The following ABCC1 variants were observed in gnomAD, a reference collection of about 807,000 sequenced individuals.
ABCC1 encodes the protein multidrug resistance-associated protein 1.
Under a neutral mutation model 172.9 loss-of-function variants are expected in ABCC1, and 83 were observed. The observed-to-expected ratio is 0.48, with a 90% CI of 0.40 to 0.58. The LOEUF is 0.58. Ranked by LOEUF, ABCC1 falls within the 20% of genes least tolerant of loss-of-function variation. The pLI is 0.00. For synonymous variants in ABCC1, 937 were observed against 825.2 expected (o/e 1.14, Z -2.32); for missense variants, 1,817 against 2,002.7 (o/e 0.91, Z 1.77).
intron 23 of ABCC1, among the ~76,000 whole-genome samples, chr16:16,119,390 G>C (rs1053373538): frequency 6.6e-6 from 1 of 152,172 alleles, no homozygotes; most frequent in African/African-American, 2.4e-5. Context: ...GCAGTGAGCT[G>C]ACATTGTGCC....
In ABCC1 at chr16:16,114,753, C is replaced by T. The variant is rs760483183; in HGVS notation, c.3080-13C>T. ...TCTCTGCATTGTGGAGTTTTAACTCCGAGTGTCTGCAGGGATCGCCGTGTT... is the reference window on the plus strand; with the variant it reads ...TCTCTGCATTGTGGAGTTTTAACTCTGAGTGTCTGCAGGGATCGCCGTGTT... On this transcript the variant is annotated splice_polypyrimidine_tract_variant and intron_variant, in intron 22 of 30. Transcript: ENST00000399410. The T allele has an allele frequency of 1.7e-5, 27 of 1,576,830 alleles. 1 individual carries two copies. Among genetic ancestry groups the T allele is most frequent in the Admixed American group, 1.2e-4 (7 of 58,756 alleles).
intron 22 of ABCC1, among the ~76,000 whole-genome samples, chr16:16,112,147 T>C (rs2052413682): frequency 6.6e-6 from 1 of 152,094 alleles, no homozygotes; most frequent in Admixed American, 6.6e-5. Context: ...AGGCCAGATA[T>C]TCGAGACCAG....
intron 24 of ABCC1, among the ~76,000 whole-genome samples, chr16:16,124,402 T>TGTGGGG (rs769214646): frequency 4.1e-5 from 6 of 147,712 alleles, no homozygotes; most frequent in Admixed American, 6.8e-5. Flanking sequence ...TGTGTGTGTG[T>TGTGGGG]GTGTGTGTAT....
intron 7 of ABCC1, among the ~76,000 whole-genome samples, chr16:16,039,229 GTGTGTA>G (rs1485420311): frequency 3.6e-4 from 49 of 136,836 alleles, no homozygotes; most frequent in African/African-American, 1.3e-3. Context: ...GTGTGTGTGT[GTGTGTA>G]TGTATGTGTG....
At chr16:16,021,648 C>T (rs544300065) in intron 5 of ABCC1, among the ~76,000 whole-genome samples, 44 of 152,202 alleles carry the variant, frequency 2.9e-4, no homozygotes, top group African/African-American at 7.9e-4. Context: ...GCCCGGGAGG[C>T]GGAGGTTGCA....
intron 20 of ABCC1, among the ~76,000 whole-genome samples, chr16:16,105,086 G>C (rs1428669780): frequency 6.6e-6 from 1 of 152,238 alleles, no homozygotes; most frequent in Admixed American, 6.5e-5. Flanking sequence ...CAGTGCAGCG[G>C]CGGGCTGAAG....
At chr16:16,056,601 G>A (rs2049665631) in intron 12 of ABCC1, 1 of 409,388 alleles carries the variant, frequency 2.4e-6, no homozygotes, top group Non-Finnish European at 4.5e-6. Flanking sequence ...CCTGGGAGGC[G>A]ACGGTTGGAG....
intron 12 of ABCC1, among the ~76,000 whole-genome samples, chr16:16,056,803 G>C (rs562428183): frequency 6.7e-6 from 1 of 148,654 alleles, no homozygotes; most frequent in Non-Finnish European, 1.5e-5. Context: ...GGAACCGTTC[G>C]TTATCTATTT....
At position 16,102,734 on chromosome 16, in the gene ABCC1, A is replaced by G. The variant is rs1442090211; in HGVS notation, c.2735+17A>G. 4 of 1,559,048 alleles carry G rather than the reference A, an allele frequency of 2.6e-6. No homozygotes were observed. The highest frequency in any genetic ancestry group is 3.9e-5 in the Admixed American group (2 of 51,730). On this transcript the variant is annotated intron_variant, in intron 20 of 30. Coordinates refer to ENST00000399410, the MANE Select transcript of ABCC1 (RefSeq NM_004996.4). ...ACTGCAGAGGTAAGGGCGGGGAGGA[A>G]GGCCCCAACCTAAGGACCCTGCCCT...
At chr16:16,111,273 A>C (rs2052375198) in intron 21 of ABCC1, 102 bp from the exon 22 acceptor site, 1 of 914,474 alleles carries the variant, frequency 1.1e-6, no homozygotes, top group African/African-American at 1.6e-5. Flanking sequence ...AAAGGCAGGC[A>C]GCTGGGTGGC....
At chr16:16,002,862 C>T (rs569732463) in intron 1 of ABCC1, among the ~76,000 whole-genome samples, 9 of 151,020 alleles carry the variant, frequency 6.0e-5, no homozygotes, top group African/African-American at 1.5e-4. Flanking sequence ...TTTGTGGCAA[C>T]AAAATAGGTC....
At chr16:16,013,485 G>C (rs140013099) in intron 3 of ABCC1, among the ~76,000 whole-genome samples, 1 of 151,190 alleles carries the variant, frequency 6.6e-6, no homozygotes, top group Non-Finnish European at 1.5e-5. Flanking sequence ...TGGCCAGGCT[G>C]GTCTCAAACT....
chr16:16,136,347 C>T (rs941399471), intron 28 of ABCC1, 131 bp from the exon 29 acceptor site: 10 of 1,027,328 alleles, frequency 9.7e-6, no homozygotes, highest in Admixed American at 2.8e-5. Flanking sequence ...TTAACATCTC[C>T]AGAAATAGTG....
chr16:16,076,474 T>A, intron 15 of ABCC1, 73 bp downstream of exon 15: 1 of 1,394,610 alleles, frequency 7.2e-7, no homozygotes, highest in Non-Finnish European at 9.7e-7. Context: ...GGATTCGAAT[T>A]CCCACCGTGC....
chr16:16,052,576 T>G, intron 10 of ABCC1, 148 bp from the exon 11 acceptor site: 1 of 671,148 alleles, frequency 1.5e-6, no homozygotes, highest in Admixed American at 2.6e-5. Flanking sequence ...CCACAGGCTC[T>G]TAACACCCTA....
Position 16,142,966 on chromosome 16 carries a change from T to G in ABCC1, c.*1685T>G, listed in dbSNP as rs2152197305. ...TTGTAAGTTATACCATTCTTTCACA[T>G]TAGATAAACTAAGTTTTGGGGGATC... On this transcript the variant is annotated 3_prime_UTR_variant, in exon 31 of 31. Transcript: ENST00000399410. The G allele has an allele frequency of 6.5e-6, 1 of 152,680 alleles. No individual in the cohort carries two copies. The highest frequency in any genetic ancestry group is 1.5e-5 in the Non-Finnish European group (1 of 68,034). 9.5% of individuals were successfully genotyped at this position (152,680 alleles called of 1,614,324 possible).
At chr16:16,134,253 C>G (rs2045825869) in intron 27 of ABCC1, 97 bp from the exon 28 acceptor site, 3 of 1,488,976 alleles carry the variant, frequency 2.0e-6, no homozygotes, top group South Asian at 2.4e-5. Context: ...GACCAGATGA[C>G]TGATGCCTGA....
At chr16:16,005,496 C>T (rs995776038) in intron 1 of ABCC1, among the ~76,000 whole-genome samples, 12 of 152,138 alleles carry the variant, frequency 7.9e-5, no homozygotes, top group East Asian at 1.9e-4. Context: ...TACAGGCATG[C>T]GCCACCATGC....
intron 18 of ABCC1, among the ~76,000 whole-genome samples, chr16:16,089,836 G>C (rs1187784105): frequency 6.7e-6 from 1 of 150,312 alleles, no homozygotes; most frequent in Non-Finnish European, 1.5e-5. Context: ...AGCCGAGACT[G>C]TGCCACTGCA....
Sources: gnomAD v4.1 joint callset for allele counts (sites outside exome capture counted in the v4.1 genomes callset) on GRCh38, gnomAD v4.1.1 for gene constraint, MANE v1.5 for transcripts, NCBI Gene and HGNC (gene_info 2026-07-23, HGNC 2026-07-21) for gene names.